Variants in PDE4D observed in about 807,000 individuals in gnomAD.
PDE4D encodes the protein phosphodiesterase 4D.
Under a neutral mutation model 87.4 loss-of-function variants are expected in PDE4D, and 24 were observed. That is an observed-to-expected ratio of 0.27 (90% CI 0.20 to 0.39). The LOEUF is 0.39. PDE4D is among the 10% of genes least tolerant of loss of function. PDE4D has a pLI of 1.00. For synonymous variants in PDE4D, 384 were observed against 383.2 expected (o/e 1.00, Z -0.02); for missense variants, 714 against 1,041.0 (o/e 0.69, Z 4.32).
chr5:59,451,449 C>T (rs948888202), intron 1 of PDE4D, among the ~76,000 whole-genome samples: 7 of 152,176 alleles, frequency 4.6e-5, no homozygotes, highest in East Asian at 1.9e-4. Flanking sequence ...ACACATACAG[C>T]GCACCTGACT....
chr5:59,689,825 T>A (rs1324089876), intron 1 of PDE4D, among the ~76,000 whole-genome samples: 1 of 152,156 alleles, frequency 6.6e-6, no homozygotes, highest in Non-Finnish European at 1.5e-5. Context: ...GAAAACCCCA[T>A]CGTCTCAGCC....
chr5:59,581,044 C>G (rs1305038897), intron 1 of PDE4D, among the ~76,000 whole-genome samples: 1 of 152,098 alleles, frequency 6.6e-6, no homozygotes, highest in Non-Finnish European at 1.5e-5. Flanking sequence ...TGGTACTTCT[C>G]AAACAACTGG....
At chr5:60,353,125 G>A (rs1359278661) in intron 1 of PDE4D, among the ~76,000 whole-genome samples, 1 of 152,152 alleles carries the variant, frequency 6.6e-6, no homozygotes, top group African/African-American at 2.4e-5. Flanking sequence ...ACAGAAATGG[G>A]CTGCTGGAGG....
intron 1 of PDE4D, among the ~76,000 whole-genome samples, chr5:59,283,959 A>G (rs1014455146): frequency 2.0e-5 from 3 of 152,122 alleles, no homozygotes; most frequent in Admixed American, 1.3e-4. Context: ...AAGATTCAGT[A>G]CCTTCTTCTA....
At chr5:58,990,923 AGATACT>A in intron 8 of PDE4D, 21 bp from the exon 9 acceptor site, 2 of 1,231,844 alleles carry the variant, frequency 1.6e-6, no homozygotes, top group Non-Finnish European at 2.3e-6. Flanking sequence ...AAAAAAAAAA[AGATACT>A]AAAATATTAG....
At chr5:59,344,836 A>G (rs941459682) in intron 1 of PDE4D, among the ~76,000 whole-genome samples, 2 of 152,184 alleles carry the variant, frequency 1.3e-5, no homozygotes, top group African/African-American at 4.8e-5. Flanking sequence ...GCCACAAAGT[A>G]GAGAGCCTTA....
intron 1 of PDE4D, among the ~76,000 whole-genome samples, chr5:59,415,780 A>T (rs192056283): frequency 6.6e-6 from 1 of 152,228 alleles, no homozygotes; most frequent in Non-Finnish European, 1.5e-5. Flanking sequence ...TTACAAGTTA[A>T]AATAATCTGA....
chr5:60,390,889 T>C (rs1422459802), intron 1 of PDE4D, among the ~76,000 whole-genome samples: 1 of 152,132 alleles, frequency 6.6e-6, no homozygotes, highest in Admixed American at 6.6e-5. Flanking sequence ...AAAGAAGTCC[T>C]CGGGTCTTTA....
intron 1 of PDE4D, among the ~76,000 whole-genome samples, chr5:60,461,076 T>C (rs908090612): frequency 9.2e-5 from 14 of 152,218 alleles, no homozygotes; most frequent in East Asian, 7.7e-4. Flanking sequence ...CTTTAACAAA[T>C]GGCTTTTATT....
intron 1 of PDE4D, among the ~76,000 whole-genome samples, chr5:60,465,122 AT>A (rs1747248217): frequency 6.6e-6 from 1 of 151,902 alleles, no homozygotes; most frequent in South Asian, 2.1e-4. Flanking sequence ...AAATAAATAA[AT>A]AAAAATAAAT....
At chr5:59,645,394 C>T (rs1742282965) in intron 1 of PDE4D, among the ~76,000 whole-genome samples, 1 of 152,182 alleles carries the variant, frequency 6.6e-6, no homozygotes, top group South Asian at 2.1e-4. Flanking sequence ...AGATCAATGT[C>T]TACGTACTGA....
At position 59,957,735 on chromosome 5, in the gene PDE4D, TC is replaced by T. The variant is rs200292889; in HGVS notation, c.272+30752del. On this transcript the variant is annotated intron_variant, in intron 3 of 16. Coordinates refer to the PDE4D transcript ENST00000502484. ...CAAATGCTATAACGTATTTTCTCTA[TC>T]TTTTTTTCTAGTGAGATTTTGCTCA... 7.7e-3 allele frequency among the ~76,000 whole-genome samples: 1,173 copies of T among 152,202 alleles called. 48 individuals carry two copies. The highest frequency in any genetic ancestry group is 0.07 in the Admixed American group (1,069 of 15,264).
intron 1 of PDE4D, among the ~76,000 whole-genome samples, chr5:60,196,712 T>C (rs1407978017): frequency 1.3e-5 from 2 of 151,656 alleles, no homozygotes; most frequent in Non-Finnish European, 2.9e-5. Context: ...GATAGCAAGA[T>C]GATCCCCATA....
chr5:60,257,268 G>A (rs114074784), intron 1 of PDE4D, among the ~76,000 whole-genome samples: 14 of 145,376 alleles, frequency 9.6e-5, no homozygotes, highest in African/African-American at 3.6e-4. Flanking sequence ...AAAAGAAAGA[G>A]AGAAAGAGAA....
At chr5:59,485,687 C>G (rs1805008589) in intron 1 of PDE4D, among the ~76,000 whole-genome samples, 1 of 151,984 alleles carries the variant, frequency 6.6e-6, no homozygotes, top group Non-Finnish European at 1.5e-5. Context: ...TGATTGGAAC[C>G]AAGAAGGTAA....
At chr5:59,449,941 A>G (rs1340474487) in intron 1 of PDE4D, among the ~76,000 whole-genome samples, 1 of 152,210 alleles carries the variant, frequency 6.6e-6, no homozygotes, top group Non-Finnish European at 1.5e-5. Context: ...AATAGCTAAC[A>G]TTGCAGCTAC....
intron 11 of PDE4D, among the ~76,000 whole-genome samples, chr5:58,982,898 A>G (rs899691043): frequency 6.6e-6 from 1 of 152,176 alleles, no homozygotes; most frequent in African/African-American, 2.4e-5. Flanking sequence ...CCAAGGTCAC[A>G]CTTTGGTGAG....
intron 1 of PDE4D, among the ~76,000 whole-genome samples, chr5:59,272,256 A>C (rs1287645502): frequency 6.6e-6 from 1 of 152,116 alleles, no homozygotes; most frequent in Non-Finnish European, 1.5e-5. Flanking sequence ...TATTTGTAAG[A>C]CTAATAATGT....
chr5:59,165,147 CT>C (rs1252893233), intron 5 of PDE4D: 1 of 152,170 alleles, frequency 6.6e-6, no homozygotes, highest in Non-Finnish European at 1.5e-5. Context: ...TTTATTTCCC[CT>C]ATCTAAGAGC....
Sources: allele counts gnomAD v4.1 joint callset (sites outside exome capture counted in the v4.1 genomes callset), GRCh38; gene constraint gnomAD v4.1.1; transcripts MANE v1.5; gene names NCBI Gene and HGNC (gene_info 2026-07-23, HGNC 2026-07-21).